CCDC180: variants seen among roughly 807,000 people sequenced by gnomAD.
CCDC180 encodes the protein coiled-coil domain-containing protein 180.
A neutral mutation model predicts 209.2 loss-of-function variants in CCDC180; 154 were observed. That is an observed-to-expected ratio of 0.74 (90% confidence interval 0.65 to 0.84). The LOEUF (loss-of-function observed/expected upper bound fraction) is 0.84. Ranked by LOEUF, CCDC180 falls within the 40% of genes least tolerant of loss-of-function variation. The pLI, the probability that CCDC180 is intolerant of heterozygous loss-of-function variation, is 0.00. For missense variants in CCDC180, 1,874 were observed against 1,997.3 expected (o/e 0.94, Z 1.18); for synonymous variants, 778 against 749.1 (o/e 1.04, Z -0.63).
rs950693309 is a variant in CCDC180, at chr9:97,376,775, T to C, written c.4855T>C (p.Ser1619Pro). The C allele has an allele frequency of 1.2e-6, 2 of 1,613,198 alleles. No individual in the cohort carries two copies. ...RDAVYLKYLA[S>P]FEEELKRIQD... Reference sequence around the variant, plus strand: ...ACCTTCCTTCTAGAAATATTTAGCATCATTTGAGGAGGAGCTAAAGAGGAT... The same window carrying C: ...ACCTTCCTTCTAGAAATATTTAGCACCATTTGAGGAGGAGCTAAAGAGGAT... The change falls in exon 37 of 37, where the codon TCA becomes CCA. Residue 1619 changes from serine (S) to proline (P), a missense_variant. Transcript: ENST00000529487.
intron 22 of CCDC180, among the ~76,000 whole-genome samples, chr9:97,353,981 C>T (rs1826494130): frequency 6.7e-6 from 1 of 149,126 alleles, no homozygotes; most frequent in Non-Finnish European, 1.5e-5. Context: ...TCTAGTTTCA[C>T]TTCATCTGGA....
At position 97,314,544 on chromosome 9, in the gene CCDC180, G is replaced by A. The variant is rs1185954912; in HGVS notation, c.588+23G>A. 2.5e-6 allele frequency: 4 copies of A among 1,613,702 alleles called. No homozygotes were observed. The Admixed American group carries it at 6.7e-5, about 27-fold the overall frequency. On this transcript the variant is annotated intron_variant, in intron 6 of 36. Transcript: ENST00000529487. ...CAAGTAGGGGTCCCTTCGTGGCTGG[G>A]CCTGCCCCACCCAGGTCCTGCTTCT...
chr9:97,317,212 C>T lies in CCDC180; in HGVS notation c.943C>T (p.Leu315=), dbSNP rs763533350. The change falls in exon 9 of 37, where the codon CTG becomes TTG. Residue 315 remains leucine, a synonymous_variant. Transcript: ENST00000529487. ...CTGGAAGGCTCTCAAGAAGGAGGCCCTGCTGCAGAGTTTCAGGTCAGTGCC... is the reference window on the plus strand; with the variant it reads ...CTGGAAGGCTCTCAAGAAGGAGGCCTTGCTGCAGAGTTTCAGGTCAGTGCC... ...DTWKALKKEA[L]LQSFSEFMAS... The T allele has an allele frequency of 1.2e-6, 2 of 1,600,428 alleles. No homozygotes were observed. Among genetic ancestry groups the T allele is most frequent in the East Asian group, 4.5e-5 (2 of 44,470 alleles).
chr9:97,363,927 G>A lies in CCDC180; in HGVS notation c.3903-124G>A. ...CCCCAAAGGGCTAGGCCCTAGAAAT[G>A]GAAGTCCGGTTGCCCACGGGCAGGC... On this transcript the variant is annotated intron_variant, in intron 28 of 36. Transcript: ENST00000529487. 2.4e-6 allele frequency: 2 copies of A among 821,110 alleles called. 1 individual carries two copies. Among genetic ancestry groups the A allele is most frequent in the Middle Eastern group, 5.1e-4 (2 of 3,944 alleles). 50.9% of individuals were successfully genotyped at this position (821,110 alleles called of 1,614,324 possible).
intron 5 of CCDC180, among the ~76,000 whole-genome samples, chr9:97,313,590 G>A (rs1833061824): frequency 6.6e-6 from 1 of 152,188 alleles, no homozygotes; most frequent in Non-Finnish European, 1.5e-5. Flanking sequence ...TTTGCAGTGA[G>A]GCCCAGAGAG....
intron 25 of CCDC180, chr9:97,358,080 C>T (rs1010154954): frequency 5.3e-6 from 1 of 190,242 alleles, no homozygotes; most frequent in Admixed American, 6.1e-5. Context: ...AGGGCCCTGC[C>T]CCCTGAACAA....
chr9:97,342,265 C>G (rs1218449487), intron 18 of CCDC180, among the ~76,000 whole-genome samples: 2 of 152,220 alleles, frequency 1.3e-5, no homozygotes, highest in African/African-American at 2.4e-5. Flanking sequence ...GTTGATCGTG[C>G]TGGGAGCTGC....
At chr9:97,325,958 G>T (rs374032013) in intron 14 of CCDC180, among the ~76,000 whole-genome samples, 11 of 152,270 alleles carry the variant, frequency 7.2e-5, no homozygotes, top group South Asian at 2.1e-4. Flanking sequence ...CAAGGTGAGT[G>T]GGGGGAATAA....
chr9:97,330,415 G>A lies in CCDC180; in HGVS notation c.1922G>A (p.Ser641Asn). ...ATGACCAGAAGTGAGGAAAGCATAA[G>A]TAGTGGGACAAGTACTGCCAGGTCA... ...EDMTRSEESI[S>N]SGTSTARSVE... The change falls in exon 18 of 37, where the codon AGT (serine) becomes AAT (asparagine). Residue 641 changes from serine to asparagine, a missense_variant. Physicochemically the swap from Ser to Asn is conservative, Grantham distance 46. Coordinates refer to ENST00000529487, the MANE Select transcript of CCDC180 (RefSeq NM_020893.6). The A allele has an allele frequency of 6.2e-7, 1 of 1,614,172 alleles. No individual in the cohort carries two copies. Among genetic ancestry groups the A allele is most frequent in the Non-Finnish European group, 8.5e-7 (1 of 1,180,040 alleles).
chr9:97,353,308 A>G (rs984974138), intron 22 of CCDC180, among the ~76,000 whole-genome samples: 1 of 152,092 alleles, frequency 6.6e-6, no homozygotes, highest in African/African-American at 2.4e-5. Context: ...ATTTATAATT[A>G]TATTTGATAC....
chr9:97,308,611 C>T (rs1832879300), intron 2 of CCDC180, among the ~76,000 whole-genome samples: 1 of 152,204 alleles, frequency 6.6e-6, no homozygotes, highest in South Asian at 2.1e-4. Context: ...GCCCTCTTGA[C>T]AACAGTGTAG....
chr9:97,330,628 ATG>A lies in CCDC180; in HGVS notation c.2138_2139del (p.Val713GlufsTer15). On this transcript the variant is annotated frameshift_variant, in exon 18 of 37. Coordinates refer to ENST00000529487, the MANE Select transcript of CCDC180 (RefSeq NM_020893.6). LOFTEE classifies it high-confidence loss of function. ...TTAAACCCATCCCTGAATGAGGAGA[ATG>A]TGAAGGGTCAAGGAGAAAAGAAGGA... is the stretch of plus-strand genomic sequence containing the variant. 1 of 1,613,740 alleles carries A rather than the reference ATG, an allele frequency of 6.2e-7. No individual in the cohort carries two copies. The highest frequency in any genetic ancestry group is 8.5e-7 in the Non-Finnish European group (1 of 1,179,846).
Position 97,307,964 on chromosome 9 carries a change from G to A in CCDC180, c.-81-19G>A. 1 of 1,583,620 alleles carries A rather than the reference G, an allele frequency of 6.3e-7. No individual in the cohort carries two copies. Among genetic ancestry groups the A allele is most frequent in the Non-Finnish European group, 8.6e-7 (1 of 1,163,176 alleles). On this transcript the variant is annotated intron_variant, in intron 1 of 36. Transcript: ENST00000529487. ...TGGACCTGAACCTGAGTTTGGGACGGGCGATTTCCCAACCTCAGGAATTGG... is the reference window on the plus strand; with the variant it reads ...TGGACCTGAACCTGAGTTTGGGACGAGCGATTTCCCAACCTCAGGAATTGG...
chr9:97,370,211 G>A (rs1827040754), intron 32 of CCDC180, 129 bp downstream of exon 32: 2 of 1,005,228 alleles, frequency 2.0e-6, no homozygotes, highest in Admixed American at 2.8e-5. Flanking sequence ...TTTTGGATGG[G>A]GGCTGAGGGA....
At position 97,374,528 on chromosome 9, in the gene CCDC180, G is replaced by C; in HGVS notation, c.4601-15G>C. On this transcript the variant is annotated splice_polypyrimidine_tract_variant and intron_variant, in intron 34 of 36. Coordinates refer to ENST00000529487, the MANE Select transcript of CCDC180 (RefSeq NM_020893.6). ...TCGGTGAGGCTGCAGTCACTAGCCT[G>C]TCTTTTGCCTCTAGGGATGGAGCCC... 6.2e-7 allele frequency: 1 copy of C among 1,604,724 alleles called. No individual in the cohort carries two copies. The highest frequency in any genetic ancestry group is 8.5e-7 in the Non-Finnish European group (1 of 1,172,100).
chr9:97,318,997 G>A (rs1447603628), intron 10 of CCDC180, among the ~76,000 whole-genome samples: 1 of 152,128 alleles, frequency 6.6e-6, no homozygotes, highest in Non-Finnish European at 1.5e-5. Flanking sequence ...GTCGGAGGCT[G>A]TGGACACTCT....
At chr9:97,320,863 A>G (rs1263041743) in intron 11 of CCDC180, among the ~76,000 whole-genome samples, 1 of 152,188 alleles carries the variant, frequency 6.6e-6, no homozygotes, top group Non-Finnish European at 1.5e-5. Flanking sequence ...GCAGAGATGA[A>G]AGCAGATAGC....
At chr9:97,358,002 C>A in intron 25 of CCDC180, 1 of 320,814 alleles carries the variant, frequency 3.1e-6, no homozygotes, top group South Asian at 7.6e-5. Context: ...TCTGACCTCA[C>A]TCCCTTGGGA....
chr9:97,360,676 G>A (rs926385175), intron 26 of CCDC180, among the ~76,000 whole-genome samples: 4 of 152,114 alleles, frequency 2.6e-5, no homozygotes, highest in Admixed American at 6.5e-5. Context: ...CTCCGCCTAA[G>A]ATGTCACTCC....
Sources: allele counts gnomAD v4.1 joint callset (sites outside exome capture counted in the v4.1 genomes callset), GRCh38; gene constraint gnomAD v4.1.1; transcripts MANE v1.5; gene names NCBI Gene and HGNC (gene_info 2026-07-23, HGNC 2026-07-21).